ASS1: variants seen among roughly 807,000 people sequenced by gnomAD.
ASS1 encodes argininosuccinate synthase.
A neutral mutation model predicts 60.5 loss-of-function variants in ASS1; 58 were observed. That is an observed-to-expected ratio of 0.96 (90% CI 0.78 to 1.19). The LOEUF is 1.19. ASS1 is among the 50% of genes most tolerant of loss of function. ASS1 has a pLI of 0.00. For synonymous variants in ASS1, 200 were observed against 206.9 expected, an observed-to-expected ratio of 0.97 and a Z score of 0.29; for missense variants, 454 against 547.3, an observed-to-expected ratio of 0.83 and a Z score of 1.70.
intron 13 of ASS1, among the ~76,000 whole-genome samples, chr9:130,496,153 G>A (rs1003762131): frequency 1.3e-5 from 2 of 152,098 alleles, no homozygotes; most frequent in Non-Finnish European, 2.9e-5. Flanking sequence ...AGGCAAGATG[G>A]TGCACACCTG....
At position 130,476,797 on chromosome 9, in the gene ASS1, C is replaced by A. The variant is rs139514231; in HGVS notation, c.598-74C>A. ...ATGGACAGAGGAGAGGGGTGCAGATCCCCGCGGGAGGTGGGCTGTAGGGTG... is the reference window on the plus strand; with the variant it reads ...ATGGACAGAGGAGAGGGGTGCAGATACCCGCGGGAGGTGGGCTGTAGGGTG... On this transcript the variant is annotated intron_variant, in intron 8 of 14. Transcript: ENST00000352480. The surrounding 1 kb of genome is among the most constrained non-coding windows in gnomAD (Gnocchi z 4.9). 24 of 1,377,362 alleles carry A rather than the reference C, an allele frequency of 1.7e-5. No homozygotes were observed. The highest frequency in any genetic ancestry group is 2.4e-5 in the Non-Finnish European group (23 of 966,140). The allele number at this position is 1,377,362 out of a possible 1,614,324, so 85.3% of individuals were successfully genotyped here.
At chr9:130,446,227 G>C (rs938772473) in intron 1 of ASS1, among the ~76,000 whole-genome samples, 1 of 152,168 alleles carries the variant, frequency 6.6e-6, no homozygotes, top group Non-Finnish European at 1.5e-5. Context: ...CTGTGCGGCT[G>C]CTAAGGGCTC....
chr9:130,480,835 C>T lies in ASS1; in HGVS notation c.838+386C>T, dbSNP rs539371739. On this transcript the variant is annotated intron_variant, in intron 11 of 14. Transcript: ENST00000352480. The stretch of plus-strand genomic sequence containing the variant: ...GTCATTAAGGCCGCATGGAGGCCGC[C>T]GGCCAGGCAGGGCGAAAATCCTGCC... Among the ~76,000 whole-genome samples the T allele has an allele frequency of 5.3e-5, 8 of 152,334 alleles. No homozygotes were observed. The South Asian group carries it at 8.3e-4, about 16-fold the overall frequency.
chr9:130,474,067 C>G (rs1242983799), intron 8 of ASS1, among the ~76,000 whole-genome samples: 1 of 121,252 alleles, frequency 8.2e-6, no homozygotes, highest in Non-Finnish European at 1.8e-5. Flanking sequence ...CCCGCACCCC[C>G]CCCCCCCCAC....
In ASS1 at chr9:130,473,857, A is replaced by T. The variant is rs1845936122; in HGVS notation, c.597+2342A>T. Among the ~76,000 whole-genome samples the T allele has an allele frequency of 3.3e-5, 5 of 152,192 alleles. No individual in the cohort carries two copies. In the South Asian group the frequency reaches 1.0e-3, roughly 32 times the overall value. On this transcript the variant is annotated intron_variant, in intron 8 of 14. Transcript: ENST00000352480. Reference sequence around the variant, plus strand: ...CATACGGTCCACAGTGAAAGAGTTCATTCAGTCGCCGGCCCGCCATAGCTG... The same window carrying T: ...CATACGGTCCACAGTGAAAGAGTTCTTTCAGTCGCCGGCCCGCCATAGCTG...
intron 3 of ASS1, among the ~76,000 whole-genome samples, chr9:130,456,946 CT>C (rs1198531110): frequency 6.6e-6 from 1 of 151,848 alleles, no homozygotes; most frequent in African/African-American, 2.4e-5. Flanking sequence ...TACTGAAGGC[CT>C]TAGAGAGCTT....
chr9:130,494,714 A>T lies in ASS1; in HGVS notation c.971-153A>T, dbSNP rs1787810593. ...TGAAAGCATGGTCCTCAACTCAGCCACTGGCAAGCGCACATTGTGCCAGTC... is the reference window on the plus strand; with the variant it reads ...TGAAAGCATGGTCCTCAACTCAGCCTCTGGCAAGCGCACATTGTGCCAGTC... On this transcript the variant is annotated intron_variant, in intron 12 of 14. Coordinates refer to ENST00000352480, the MANE Select transcript of ASS1 (RefSeq NM_054012.4). This position sits in a 1 kb window ranked among gnomAD's most constrained non-coding sequence, Gnocchi z 4.3. Among the ~76,000 whole-genome samples, 1 of 152,248 alleles carries T rather than the reference A, an allele frequency of 6.6e-6. No homozygotes were observed. The highest frequency in any genetic ancestry group is 2.1e-4 in the South Asian group (1 of 4,836).
intron 4 of ASS1, 88 bp from the exon 5 acceptor site, chr9:130,464,023 C>A: frequency 6.9e-7 from 1 of 1,443,390 alleles, no homozygotes; most frequent in Non-Finnish European, 9.7e-7. Context: ...TCTGTCTCCG[C>A]CACGGGCTGT....
rs111432452 is a variant in ASS1 at position 130,448,339 on chromosome 9, C to T, written c.-6+3344C>T. ...ATGCACACAGGCACACATGTGCAAG[C>T]CCAAACACATCACACACATGCATGC... On this transcript the variant is annotated intron_variant, in intron 1 of 14. Transcript: ENST00000352480. 6.0e-3 allele frequency among the ~76,000 whole-genome samples: 917 copies of T among 152,160 alleles called. 5 individuals carry two copies. Among genetic ancestry groups the T allele is most frequent in the Middle Eastern group, 0.017 (5 of 294 alleles).
In ASS1 at chr9:130,471,617, C is replaced by G. The variant is rs555694491; in HGVS notation, c.597+102C>G. 3.4e-5 allele frequency: 48 copies of G among 1,432,536 alleles called. 1 individual carries two copies. The highest frequency in any genetic ancestry group is 4.1e-5 in the Non-Finnish European group (42 of 1,021,698). 88.7% of individuals were successfully genotyped at this position (1,432,536 alleles called of 1,614,324 possible). ...ATTTATAGCCTAATTTGAAATTTCA[C>G]GGGGGCCAGCCGTGGGGCTGGGGCC... On this transcript the variant is annotated intron_variant, in intron 8 of 14. Transcript: ENST00000352480.
Position 130,488,650 on chromosome 9 carries a change from C to A in ASS1, c.839-683C>A, listed in dbSNP as rs1284170356. ...ACTTGAGCAATCCCTTCTCCCCTGA[C>A]CTTCCAGGGTTGGGCCTCCACGGCC... On this transcript the variant is annotated intron_variant, in intron 11 of 14. Coordinates refer to ENST00000352480, the MANE Select transcript of ASS1 (RefSeq NM_054012.4). This position sits in a 1 kb window ranked among gnomAD's most constrained non-coding sequence, Gnocchi z 5.2. Among the ~76,000 whole-genome samples the A allele has an allele frequency of 1.3e-5, 2 of 152,232 alleles. No homozygotes were observed. The highest frequency in any genetic ancestry group is 2.9e-5 in the Non-Finnish European group (2 of 68,042).
rs558075565 is a variant in ASS1 at position 130,466,858 on chromosome 9, G to A, written c.495+59G>A. ...TCCCTATAGCCCCCTTCCCGGGCACGTCCCTGCTGGGGGCTGTCTGAGCCA... is the reference window on the plus strand; with the variant it reads ...TCCCTATAGCCCCCTTCCCGGGCACATCCCTGCTGGGGGCTGTCTGAGCCA... On this transcript the variant is annotated intron_variant, in intron 6 of 14. Transcript: ENST00000352480. 2.7e-5 allele frequency: 42 copies of A among 1,574,844 alleles called. 1 individual carries two copies. Among genetic ancestry groups the A allele is most frequent in the South Asian group, 2.3e-4 (21 of 89,800 alleles).
chr9:130,450,481 G>A (rs1015835982), intron 1 of ASS1: 132 of 356,588 alleles, frequency 3.7e-4, no homozygotes, highest in African/African-American at 2.6e-3. Flanking sequence ...TCAGGGGCAG[G>A]GGGTTGAATG....
intron 11 of ASS1, among the ~76,000 whole-genome samples, chr9:130,481,069 G>C (rs1345686208): frequency 8.5e-5 from 13 of 152,258 alleles, no homozygotes; most frequent in Non-Finnish European, 2.9e-5. Flanking sequence ...TCCGCCTGTG[G>C]CTGGGCCCAG....
At chr9:130,495,470 T>C (rs201183362) in intron 13 of ASS1, among the ~76,000 whole-genome samples, 28 of 130,504 alleles carry the variant, frequency 2.1e-4, no homozygotes, top group Admixed American at 3.1e-4. Flanking sequence ...TACACATACA[T>C]ATACACACAC....
intron 11 of ASS1, among the ~76,000 whole-genome samples, chr9:130,480,931 C>T (rs1261525439): frequency 2.0e-5 from 3 of 152,260 alleles, no homozygotes; most frequent in African/African-American, 7.2e-5. Context: ...CAGCATCAGG[C>T]ACGGCTCACT....
chr9:130,479,957 G>T, intron 10 of ASS1, 157 bp downstream of exon 10: 3 of 919,698 alleles, frequency 3.3e-6, no homozygotes, highest in Non-Finnish European at 1.8e-6. Flanking sequence ...GGACCAGGGG[G>T]ACCCATTTGG....
chr9:130,445,718 C>T (rs1315194943), intron 1 of ASS1, among the ~76,000 whole-genome samples: 1 of 152,176 alleles, frequency 6.6e-6, no homozygotes, highest in Non-Finnish European at 1.5e-5. Context: ...TCCAGGGAGG[C>T]AGGGTCATTG....
At chr9:130,493,737 C>A (rs1363084728) in intron 12 of ASS1, among the ~76,000 whole-genome samples, 1 of 152,134 alleles carries the variant, frequency 6.6e-6, no homozygotes, top group South Asian at 2.1e-4. Context: ...CCCTGTCCCT[C>A]CCCCCGCCAT....
Sources: gnomAD v4.1 joint callset for allele counts (sites outside exome capture counted in the v4.1 genomes callset) on GRCh38, gnomAD v4.1.1 for gene constraint, Gnocchi (gnomAD v3.1) non-coding constraint, MANE v1.5 for transcripts, NCBI Gene and HGNC (gene_info 2026-07-23, HGNC 2026-07-21) for gene names.